Variants in CPEB3 observed in about 807,000 individuals in gnomAD.
CPEB3 encodes cytoplasmic polyadenylation element-binding protein 3.
Under a neutral mutation model 67.2 loss-of-function variants are expected in CPEB3, and 20 were observed. The ratio of observed to expected loss-of-function variants is 0.30; its 90% CI spans 0.21 to 0.43. The LOEUF (loss-of-function observed/expected upper bound fraction) is 0.43, where lower values mean the gene tolerates loss of function less well. CPEB3 is among the 20% of genes least tolerant of loss of function. The pLI is 1.00. For missense variants in CPEB3, 746 were observed against 968.6 expected, an observed-to-expected ratio of 0.77 and a Z score of 3.05; for synonymous variants, 376 against 393.1, an observed-to-expected ratio of 0.96 and a Z score of 0.51.
intron 2 of CPEB3, among the ~76,000 whole-genome samples, chr10:92,217,235 TTA>T (rs1220387438): frequency 1.8e-4 from 21 of 115,798 alleles, no homozygotes; most frequent in African/African-American, 7.0e-4. Context: ...AAAAAAAAAA[TTA>T]TATATATATA....
In CPEB3 at chr10:92,081,309, TA is replaced by T; in HGVS notation, c.1869+10del. The T allele has an allele frequency of 6.2e-7, 1 of 1,614,080 alleles. No homozygotes were observed. The highest frequency in any genetic ancestry group is 2.2e-5 in the East Asian group (1 of 44,886). On this transcript the variant is annotated intron_variant, in intron 9 of 9. Coordinates refer to ENST00000265997, the MANE Select transcript of CPEB3 (RefSeq NM_014912.5). ...TCTCCCATAGCAGTTTCACCCTAAGTAGGTGCTTACCCGTTTGTCAATGTCA... is the reference window on the plus strand; with the variant it reads ...TCTCCCATAGCAGTTTCACCCTAAGTGGTGCTTACCCGTTTGTCAATGTCA...
intron 9 of CPEB3, among the ~76,000 whole-genome samples, chr10:92,061,419 C>CAAAAAAAAAAAA (rs148327302): frequency 1.1e-5 from 1 of 93,348 alleles, no homozygotes; most frequent in African/African-American, 4.0e-5. Context: ...AATTCTGTCT[C>CAAAAAAAAAAAA]AAAAAAAAAA....
At chr10:92,068,739 C>T (rs1370356796) in intron 9 of CPEB3, among the ~76,000 whole-genome samples, 1 of 152,124 alleles carries the variant, frequency 6.6e-6, no homozygotes, top group Non-Finnish European at 1.5e-5. Flanking sequence ...AGTCAGAAGT[C>T]AGGACGTGGA....
At chr10:92,123,473 C>G (rs1845481532) in intron 6 of CPEB3, among the ~76,000 whole-genome samples, 1 of 152,206 alleles carries the variant, frequency 6.6e-6, no homozygotes, top group South Asian at 2.1e-4. Context: ...CTCACATAAT[C>G]CTCTTAACAA....
At chr10:92,188,275 T>G (rs1564848554) in intron 3 of CPEB3, among the ~76,000 whole-genome samples, 2 of 134,994 alleles carry the variant, frequency 1.5e-5, no homozygotes, top group African/African-American at 5.8e-5. Context: ...TTCTCATCTC[T>G]GAGGCATTCT....
chr10:92,071,750 A>T (rs990874065), intron 9 of CPEB3, among the ~76,000 whole-genome samples: 208 of 151,564 alleles, frequency 1.4e-3, no homozygotes, highest in Middle Eastern at 3.4e-3. Flanking sequence ...AAAAAAAAAA[A>T]TTTTTTTCTC....
At chr10:92,219,570 T>C (rs1277222838) in intron 2 of CPEB3, among the ~76,000 whole-genome samples, 1 of 152,224 alleles carries the variant, frequency 6.6e-6, no homozygotes, top group Non-Finnish European at 1.5e-5. Flanking sequence ...TGTTTTCTAC[T>C]TTTCACATAT....
chr10:92,288,400 C>T (rs1236745956), intron 1 of CPEB3, among the ~76,000 whole-genome samples: 1 of 147,468 alleles, frequency 6.8e-6, no homozygotes, highest in Non-Finnish European at 1.5e-5. Context: ...GCTGAGGATG[C>T]AGTGAGCTGG....
intron 4 of CPEB3, among the ~76,000 whole-genome samples, chr10:92,166,169 C>T (rs945660738): frequency 1.2e-4 from 18 of 150,550 alleles, no homozygotes; most frequent in African/African-American, 4.4e-4. Context: ...AGTGCAGTGG[C>T]GTGATCTCGG....
At chr10:92,220,258 T>C (rs1254450064) in intron 2 of CPEB3, among the ~76,000 whole-genome samples, 1 of 152,206 alleles carries the variant, frequency 6.6e-6, no homozygotes, top group Non-Finnish European at 1.5e-5. Flanking sequence ...AAGTCTTAGT[T>C]TGTAACCACC....
At chr10:92,098,770 C>CTTTT (rs984013045) in intron 7 of CPEB3, among the ~76,000 whole-genome samples, 8 of 124,552 alleles carry the variant, frequency 6.4e-5, no homozygotes, top group Non-Finnish European at 1.2e-4. Flanking sequence ...TTCTTTTTTT[C>CTTTT]TTTTTTTTTT....
intron 1 of CPEB3, among the ~76,000 whole-genome samples, chr10:92,287,960 T>G (rs980977702): frequency 6.6e-6 from 1 of 152,196 alleles, no homozygotes; most frequent in African/African-American, 2.4e-5. Flanking sequence ...TGACTTTTCA[T>G]GCAAACAGAA....
chr10:92,126,406 T>C (rs983248444), intron 6 of CPEB3, among the ~76,000 whole-genome samples: 2 of 152,136 alleles, frequency 1.3e-5, no homozygotes, highest in African/African-American at 4.8e-5. Flanking sequence ...TGTCCAGAAA[T>C]AGTGTGGCAT....
At chr10:92,055,682 AG>A (rs1842083591) in intron 9 of CPEB3, among the ~76,000 whole-genome samples, 1 of 152,184 alleles carries the variant, frequency 6.6e-6, no homozygotes, top group Non-Finnish European at 1.5e-5. Context: ...CTAGAAAGCT[AG>A]AAAAATCAAG....
At chr10:92,275,572 T>C (rs1841940326) in intron 1 of CPEB3, among the ~76,000 whole-genome samples, 1 of 152,110 alleles carries the variant, frequency 6.6e-6, no homozygotes, top group African/African-American at 2.4e-5. Flanking sequence ...AAGTGTACAA[T>C]TCAGTGGCTT....
intron 2 of CPEB3, among the ~76,000 whole-genome samples, chr10:92,207,739 A>T (rs946749924): frequency 2.0e-5 from 3 of 152,126 alleles, no homozygotes; most frequent in African/African-American, 7.2e-5. Flanking sequence ...GTGTGGTGGC[A>T]CATGCCTGTA....
At chr10:92,245,497 G>A (rs1852021031) in intron 1 of CPEB3, among the ~76,000 whole-genome samples, 1 of 152,074 alleles carries the variant, frequency 6.6e-6, no homozygotes. Context: ...GAATCAGTTT[G>A]AATGAATCCA....
intron 6 of CPEB3, among the ~76,000 whole-genome samples, chr10:92,112,215 G>A (rs1844784132): frequency 6.7e-6 from 1 of 149,736 alleles, no homozygotes; most frequent in South Asian, 2.1e-4. Flanking sequence ...TATGATCTCG[G>A]CTCACTGCAA....
Position 92,104,925 on chromosome 10 carries a change from AG to A in CPEB3, c.1572+6150del, listed in dbSNP as rs1844371647. Among the ~76,000 whole-genome samples, 5 of 152,142 alleles carry A rather than the reference AG, an allele frequency of 3.3e-5. No homozygotes were observed. In the South Asian group the frequency reaches 1.0e-3, roughly 32 times the overall value. On this transcript the variant is annotated intron_variant, in intron 7 of 9. Transcript: ENST00000265997. Reference sequence around the variant, plus strand: ...TTTCTTTTCTTTTTTTTAGAGAGACAGGGGTCTCGCTGTTGCCTATGCTGGA... The same window carrying A: ...TTTCTTTTCTTTTTTTTAGAGAGACAGGGTCTCGCTGTTGCCTATGCTGGA...
Sources: allele counts gnomAD v4.1 joint callset (sites outside exome capture counted in the v4.1 genomes callset), GRCh38; gene constraint gnomAD v4.1.1; transcripts MANE v1.5; gene names NCBI Gene and HGNC (gene_info 2026-07-23, HGNC 2026-07-21).